The following OPCML variants were observed in gnomAD, a reference collection of about 807,000 sequenced individuals.
The protein encoded by OPCML is opioid-binding protein/cell adhesion molecule.
Under a neutral mutation model 37.8 loss-of-function variants are expected in OPCML, and 13 were observed. The observed-to-expected ratio is 0.34, with a 90% CI of 0.22 to 0.55. OPCML has a LOEUF of 0.55. Ranked by LOEUF, OPCML falls within the 20% of genes least tolerant of loss-of-function variation. The probability of loss-of-function intolerance (pLI) is 0.91; values close to 1 mark genes in which losing one functional copy is unlikely to be tolerated. For missense variants in OPCML, 341 were observed against 435.6 expected (o/e 0.78, Z 1.93); for synonymous variants, 176 against 168.8 (o/e 1.04, Z -0.33).
At chr11:133,240,389 T>C (rs1377536932) in intron 1 of OPCML, among the ~76,000 whole-genome samples, 1 of 152,150 alleles carries the variant, frequency 6.6e-6, no homozygotes, top group Non-Finnish European at 1.5e-5. Context: ...TTCCCACACA[T>C]GGCTCTTCAA....
At chr11:132,434,916 G>C (rs2096008228) in intron 7 of OPCML, among the ~76,000 whole-genome samples, 1 of 152,126 alleles carries the variant, frequency 6.6e-6, no homozygotes, top group Admixed American at 6.6e-5. Flanking sequence ...TAAGGTTCTT[G>C]TTTTGGGGGC....
chr11:132,507,473 T>C (rs1047491982), intron 4 of OPCML, among the ~76,000 whole-genome samples: 1 of 151,962 alleles, frequency 6.6e-6, no homozygotes, highest in Non-Finnish European at 1.5e-5. Context: ...ATGTATACTA[T>C]TGTGTGCTCA....
At chr11:132,884,810 C>T (rs1263591866) in intron 2 of OPCML, among the ~76,000 whole-genome samples, 2 of 152,172 alleles carry the variant, frequency 1.3e-5, no homozygotes, top group Non-Finnish European at 1.5e-5. Flanking sequence ...GGTGGTTATA[C>T]TCAAAGAAGC....
intron 1 of OPCML, among the ~76,000 whole-genome samples, chr11:132,960,594 C>T (rs1946072126): frequency 6.6e-6 from 1 of 152,218 alleles, no homozygotes; most frequent in Non-Finnish European, 1.5e-5. Context: ...CCCTCCCCCT[C>T]TCCATCTGTC....
At chr11:133,130,785 A>C (rs1293056634) in intron 1 of OPCML, among the ~76,000 whole-genome samples, 2 of 152,196 alleles carry the variant, frequency 1.3e-5, no homozygotes, top group Non-Finnish European at 2.9e-5. Flanking sequence ...ATAGATCCAC[A>C]CAAACATAGT....
chr11:132,614,452 G>C (rs1308863770), intron 3 of OPCML, among the ~76,000 whole-genome samples: 1 of 152,200 alleles, frequency 6.6e-6, no homozygotes, highest in African/African-American at 2.4e-5. Context: ...GTGAGTGGCA[G>C]TGACACCTTC....
intron 1 of OPCML, among the ~76,000 whole-genome samples, chr11:133,262,835 C>T (rs1252534892): frequency 6.6e-6 from 1 of 151,430 alleles, no homozygotes; most frequent in East Asian, 2.0e-4. Flanking sequence ...GGTGGATTGG[C>T]CCCTAGGAGA....
chr11:132,628,821 G>A (rs1326853972), intron 3 of OPCML, among the ~76,000 whole-genome samples: 2 of 152,104 alleles, frequency 1.3e-5, no homozygotes, highest in Non-Finnish European at 2.9e-5. Flanking sequence ...AGATCTGCTG[G>A]TTTTATAAGC....
rs190706055 is a variant in OPCML at position 132,646,127 on chromosome 11, A to G, written c.379+10960T>C. On this transcript the variant is annotated intron_variant, in intron 3 of 7. Transcript: ENST00000524381. ...TAAAAGACTACAAATTGGGCTCAGT[A>G]TATACTGCTCAGGTGATGGGTGCAC... 6.5e-4 allele frequency among the ~76,000 whole-genome samples: 99 copies of G among 152,260 alleles called. 1 individual carries two copies. The highest frequency in any genetic ancestry group is 1.2e-3 in the Non-Finnish European group (79 of 68,024).
intron 7 of OPCML, among the ~76,000 whole-genome samples, chr11:132,427,482 C>A (rs1410493929): frequency 6.6e-6 from 1 of 152,170 alleles, no homozygotes; most frequent in East Asian, 1.9e-4. Context: ...ATTACAGCGG[C>A]AAACGTGGCG....
At chr11:133,356,243 C>A (rs1226024389) in intron 1 of OPCML, among the ~76,000 whole-genome samples, 1 of 152,112 alleles carries the variant, frequency 6.6e-6, no homozygotes, top group African/African-American at 2.4e-5. Flanking sequence ...CTTTAAAGTG[C>A]CCAGGTTGGA....
At chr11:132,926,581 G>T (rs1267532455) in intron 2 of OPCML, among the ~76,000 whole-genome samples, 1 of 152,148 alleles carries the variant, frequency 6.6e-6, no homozygotes, top group African/African-American at 2.4e-5. Flanking sequence ...ATTAGTGAAG[G>T]TCTTCCCTTG....
chr11:133,455,002 T>A (rs1239500938), intron 1 of OPCML, among the ~76,000 whole-genome samples: 5 of 152,156 alleles, frequency 3.3e-5, no homozygotes, highest in Non-Finnish European at 7.4e-5. Flanking sequence ...GATTATTGAT[T>A]TTCACCTTTG....
chr11:133,345,891 G>T (rs1943991280), intron 1 of OPCML, among the ~76,000 whole-genome samples: 1 of 152,124 alleles, frequency 6.6e-6, no homozygotes. Flanking sequence ...TGTGGTGGCT[G>T]CAATGAACAC....
At chr11:132,568,165 C>T (rs1473672008) in intron 3 of OPCML, among the ~76,000 whole-genome samples, 2 of 151,834 alleles carry the variant, frequency 1.3e-5, no homozygotes, top group African/African-American at 4.8e-5. Context: ...GGATACAAAA[C>T]CTAAAAGTAA....
intron 3 of OPCML, among the ~76,000 whole-genome samples, chr11:132,629,346 C>T (rs2135685126): frequency 6.6e-6 from 1 of 152,294 alleles, no homozygotes; most frequent in South Asian, 2.1e-4. Flanking sequence ...GCTTGGCTTG[C>T]TTATGCAGTC....
intron 3 of OPCML, among the ~76,000 whole-genome samples, chr11:132,564,203 C>A (rs2096417092): frequency 6.6e-6 from 1 of 152,292 alleles, no homozygotes; most frequent in East Asian, 1.9e-4. Context: ...GGTTTTTAAG[C>A]AATAAAGTCT....
At chr11:132,838,166 T>C (rs1365705068) in intron 2 of OPCML, among the ~76,000 whole-genome samples, 1 of 152,138 alleles carries the variant, frequency 6.6e-6, no homozygotes, top group African/African-American at 2.4e-5. Flanking sequence ...AAATACAAAC[T>C]AAATAACAAA....
intron 1 of OPCML, among the ~76,000 whole-genome samples, chr11:133,180,385 A>G (rs893911383): frequency 1.3e-5 from 2 of 152,172 alleles, no homozygotes; most frequent in African/African-American, 4.8e-5. Flanking sequence ...AAAGCCCAGA[A>G]GTGGATGAAC....
Sources: allele counts gnomAD v4.1 joint callset (sites outside exome capture counted in the v4.1 genomes callset), GRCh38; gene constraint gnomAD v4.1.1; transcripts MANE v1.5; gene names NCBI Gene and HGNC (gene_info 2026-07-23, HGNC 2026-07-21).